Variants in SLC2A13 observed in about 807,000 individuals in gnomAD.
SLC2A13 encodes the protein proton myo-inositol cotransporter.
Under a neutral mutation model 64.4 loss-of-function variants are expected in SLC2A13, and 32 were observed. The ratio of observed to expected loss-of-function variants is 0.50; its 90% confidence interval spans 0.37 to 0.67. The LOEUF (loss-of-function observed/expected upper bound fraction) is 0.67. Among genes scored for constraint, SLC2A13 ranks in the 30% least tolerant of loss-of-function variants. SLC2A13 has a pLI of 0.00. For missense variants in SLC2A13, 743 were observed against 829.2 expected (o/e 0.90, Z 1.28); for synonymous variants, 338 against 327.1 (o/e 1.03, Z -0.36).
intron 4 of SLC2A13, among the ~76,000 whole-genome samples, chr12:39,934,426 G>C (rs764311201): frequency 6.6e-6 from 1 of 152,178 alleles, no homozygotes; most frequent in Non-Finnish European, 1.5e-5. Context: ...GGAGCAGCAG[G>C]GAATGCAGGG....
intron 7 of SLC2A13, among the ~76,000 whole-genome samples, chr12:39,776,452 G>A (rs971912310): frequency 2.6e-5 from 4 of 152,238 alleles, no homozygotes; most frequent in African/African-American, 4.8e-5. Context: ...TTGGCAAGGG[G>A]TGGGTGCTGT....
intron 4 of SLC2A13, among the ~76,000 whole-genome samples, chr12:39,902,057 T>C (rs866132182): frequency 5.9e-5 from 9 of 151,600 alleles, no homozygotes; most frequent in Admixed American, 1.3e-4. Flanking sequence ...ATGGATGAAA[T>C]TGGAAACCAT....
chr12:39,768,108 G>A (rs546873108), intron 7 of SLC2A13, among the ~76,000 whole-genome samples: 3 of 152,186 alleles, frequency 2.0e-5, no homozygotes, highest in East Asian at 1.9e-4. Context: ...CTTGCAACAA[G>A]GTGTGAAGTG....
chr12:40,080,473 C>T (rs1375888489), intron 1 of SLC2A13, among the ~76,000 whole-genome samples: 1 of 152,236 alleles, frequency 6.6e-6, no homozygotes, highest in African/African-American at 2.4e-5. Flanking sequence ...TCACTGCAAC[C>T]TCTGCCTCCC....
intron 6 of SLC2A13, among the ~76,000 whole-genome samples, chr12:39,838,235 G>A (rs189676327): frequency 0.068 from 10,278 of 150,434 alleles, 485 homozygotes; most frequent in Admixed American, 0.087. Context: ...GTAAACTGTC[G>A]CAAGATCAAA....
At chr12:40,046,932 C>T (rs1422579258) in intron 2 of SLC2A13, among the ~76,000 whole-genome samples, 11 of 150,582 alleles carry the variant, frequency 7.3e-5, no homozygotes, top group Non-Finnish European at 1.3e-4. Context: ...GATGGAGTCT[C>T]GCTCTGTTGT....
At chr12:39,821,682 C>T (rs1352560858) in intron 7 of SLC2A13, among the ~76,000 whole-genome samples, 1 of 152,132 alleles carries the variant, frequency 6.6e-6, no homozygotes, top group Non-Finnish European at 1.5e-5. Context: ...GAAAAGAGGA[C>T]GTGGCAAATC....
chr12:39,959,491 G>A (rs868780865), intron 3 of SLC2A13, among the ~76,000 whole-genome samples: 12 of 152,336 alleles, frequency 7.9e-5, no homozygotes, highest in Middle Eastern at 6.8e-3. Flanking sequence ...GGTTGCTAAT[G>A]TAAAGGTTTT....
chr12:39,947,603 A>ATGGAACATCTT (rs1946157217), intron 4 of SLC2A13, among the ~76,000 whole-genome samples: 1 of 151,990 alleles, frequency 6.6e-6, no homozygotes, highest in Non-Finnish European at 1.5e-5. Flanking sequence ...TAGATTGAAC[A>ATGGAACATCTT]TGGAACATCT....
At chr12:39,939,481 T>C (rs1028612070) in intron 4 of SLC2A13, among the ~76,000 whole-genome samples, 39 of 152,142 alleles carry the variant, frequency 2.6e-4, no homozygotes, top group Admixed American at 2.3e-3. Context: ...CGTGTGCACA[T>C]GAGCTGAGAA....
rs9668628 is a variant in SLC2A13 at position 39,837,868 on chromosome 12, T to C, written c.1320-7640A>G. ...AGGTGCTGGAGAGGATGTGGAGAAA[T>C]AGAAACACTTTTACACTGTTGGTGG... On this transcript the variant is annotated intron_variant, in intron 6 of 9. Transcript: ENST00000280871. Among the ~76,000 whole-genome samples the C allele has an allele frequency of 4.8e-3, 729 of 151,232 alleles. 9 individuals are homozygous for C. The highest frequency in any genetic ancestry group is 0.016 in the African/African-American group (675 of 41,260).
At chr12:40,032,239 A>G (rs1311663856) in intron 2 of SLC2A13, among the ~76,000 whole-genome samples, 1 of 152,190 alleles carries the variant, frequency 6.6e-6, no homozygotes, top group Non-Finnish European at 1.5e-5. Context: ...ATGAACAACA[A>G]GCACCCAAGG....
chr12:39,943,073 A>G (rs1261690526), intron 4 of SLC2A13, among the ~76,000 whole-genome samples: 1 of 152,122 alleles, frequency 6.6e-6, no homozygotes, highest in Non-Finnish European at 1.5e-5. Flanking sequence ...TGCCTGTATC[A>G]CCAGCGGAGA....
At position 39,977,104 on chromosome 12, in the gene SLC2A13, A is replaced by G. The variant is rs554977917; in HGVS notation, c.926-25739T>C. Among the ~76,000 whole-genome samples the G allele has an allele frequency of 1.5e-4, 23 of 152,334 alleles. No homozygotes were observed. The East Asian group carries it at 4.4e-3, about 29-fold the overall frequency. ...AGATAAAAGGATGAGGGGTTTGGAA[A>G]GAGGAAGGTAGGCATGAGCTCATGT... On this transcript the variant is annotated intron_variant, in intron 3 of 9. Transcript: ENST00000280871.
intron 3 of SLC2A13, among the ~76,000 whole-genome samples, chr12:40,019,057 T>C (rs996847445): frequency 1.1e-4 from 17 of 152,092 alleles, no homozygotes; most frequent in Non-Finnish European, 1.8e-4. Flanking sequence ...TTGGAGGCCA[T>C]GGGGAAAGGA....
intron 7 of SLC2A13, among the ~76,000 whole-genome samples, chr12:39,775,804 T>C (rs1271786948): frequency 6.6e-6 from 1 of 152,170 alleles, no homozygotes; most frequent in African/African-American, 2.4e-5. Context: ...CTTATACAGG[T>C]TGTGTATCCC....
intron 4 of SLC2A13, among the ~76,000 whole-genome samples, chr12:39,901,992 C>G (rs1278730059): frequency 6.6e-6 from 1 of 151,998 alleles, no homozygotes; most frequent in Non-Finnish European, 1.5e-5. Flanking sequence ...CACATATACA[C>G]CATGGAATAC....
At chr12:40,015,522 T>C (rs149902047) in intron 3 of SLC2A13, among the ~76,000 whole-genome samples, 52 of 152,266 alleles carry the variant, frequency 3.4e-4, no homozygotes, top group African/African-American at 1.2e-3. Context: ...TATGTCTGGG[T>C]TTCCTTTCTG....
At position 39,784,192 on chromosome 12, in the gene SLC2A13, A is replaced by C. The variant is rs532018323; in HGVS notation, c.1446-19334T>G. ...TCAATGCCATCCCCATCAAGCTACC[A>C]ATGACTTTCTTCACAGAATTGGAAA... On this transcript the variant is annotated intron_variant, in intron 7 of 9. Transcript: ENST00000280871. 3.4e-3 allele frequency among the ~76,000 whole-genome samples: 511 copies of C among 152,314 alleles called. 4 individuals carry two copies. The highest frequency in any genetic ancestry group is 0.012 in the African/African-American group (483 of 41,572).
Sources: gnomAD v4.1 joint callset for allele counts (sites outside exome capture counted in the v4.1 genomes callset) on GRCh38, gnomAD v4.1.1 for gene constraint, MANE v1.5 for transcripts, NCBI Gene and HGNC (gene_info 2026-07-23, HGNC 2026-07-21) for gene names.